Variants in KCNK10 observed in about 807,000 individuals in gnomAD.
The protein encoded by KCNK10 is potassium channel subfamily K member 10.
In KCNK10, 25 loss-of-function variants were observed where a neutral mutation model predicts 47.7. The ratio of observed to expected loss-of-function variants is 0.52; its 90% CI spans 0.38 to 0.73. KCNK10 has a LOEUF of 0.73. KCNK10 is among the 30% of genes least tolerant of loss of function. The pLI is 0.00. For missense variants in KCNK10, 563 were observed against 714.5 expected, an observed-to-expected ratio of 0.79 and a Z score of 2.42; for synonymous variants, 303 against 285.6, an observed-to-expected ratio of 1.06 and a Z score of -0.61.
intron 1 of KCNK10, among the ~76,000 whole-genome samples, chr14:88,309,296 G>A (rs1472323240): frequency 6.6e-6 from 1 of 152,168 alleles, no homozygotes; most frequent in Non-Finnish European, 1.5e-5. Context: ...CCATAGGAGG[G>A]AGAATAGCAA....
chr14:88,258,695 CTAAA>C (rs1566705427), intron 2 of KCNK10, among the ~76,000 whole-genome samples: 2 of 152,152 alleles, frequency 1.3e-5, no homozygotes, highest in African/African-American at 4.8e-5. Flanking sequence ...GAATGAATGA[CTAAA>C]TGAATGGATG....
intron 3 of KCNK10, among the ~76,000 whole-genome samples, chr14:88,228,246 T>C (rs549973007): frequency 1.3e-5 from 2 of 152,324 alleles, no homozygotes; most frequent in South Asian, 2.1e-4. Context: ...TATTGATGGA[T>C]GTTTGAATAC....
At chr14:88,234,226 T>G (rs1406752844) in intron 3 of KCNK10, among the ~76,000 whole-genome samples, 1 of 152,334 alleles carries the variant, frequency 6.6e-6, no homozygotes, top group Admixed American at 6.5e-5. Context: ...TGGCCTAGAG[T>G]GCCAGAAAAG....
Position 88,186,261 on chromosome 14 carries a change from A to C in KCNK10, c.1012-106T>G. ...GTCCCCACGGGGAGGCCAGGAGGTGACGGAGCACATGCCCAGGGGGAGGTG... is the reference window on the plus strand; with the variant it reads ...GTCCCCACGGGGAGGCCAGGAGGTGCCGGAGCACATGCCCAGGGGGAGGTG... On this transcript the variant is annotated intron_variant, in intron 6 of 6. Transcript: ENST00000319231. This position sits in a 1 kb window ranked among gnomAD's most constrained non-coding sequence, Gnocchi z 5.5. The C allele has an allele frequency of 7.4e-7, 1 of 1,343,054 alleles. No individual in the cohort carries two copies. Among genetic ancestry groups the C allele is most frequent in the Non-Finnish European group, 1.0e-6 (1 of 1,004,872 alleles). The allele number at this position is 1,343,054 out of a possible 1,614,324, so 83.2% of individuals were successfully genotyped here.
intron 1 of KCNK10, among the ~76,000 whole-genome samples, chr14:88,310,415 T>C (rs1340667645): frequency 6.6e-6 from 1 of 151,942 alleles, no homozygotes; most frequent in Non-Finnish European, 1.5e-5. Context: ...AATAACCAGA[T>C]GGATGAGTGA....
At chr14:88,226,337 G>A (rs751979912) in intron 4 of KCNK10, among the ~76,000 whole-genome samples, 1 of 152,176 alleles carries the variant, frequency 6.6e-6, no homozygotes, top group South Asian at 2.1e-4. Flanking sequence ...TTCTTCTAAA[G>A]AGAAGTATGA....
At chr14:88,242,106 G>A (rs1290455912) in intron 2 of KCNK10, among the ~76,000 whole-genome samples, 1 of 152,230 alleles carries the variant, frequency 6.6e-6, no homozygotes. Context: ...ATAACCCTAT[G>A]TAGGGAGAGC....
intron 4 of KCNK10, among the ~76,000 whole-genome samples, chr14:88,222,002 C>T (rs8013967): frequency 0.074 from 11,308 of 152,202 alleles, 1,073 homozygotes; most frequent in African/African-American, 0.22. Context: ...TCCGTTTTCA[C>T]GCTGCTGATA....
rs1819063011 is a variant in KCNK10 at position 88,260,759 on chromosome 14, C to G, written c.402+2443G>C. Among the ~76,000 whole-genome samples, 1 of 152,222 alleles carries G rather than the reference C, an allele frequency of 6.6e-6. No homozygotes were observed. Among genetic ancestry groups the G allele is most frequent in the African/African-American group, 2.4e-5 (1 of 41,534 alleles). On this transcript the variant is annotated intron_variant, in intron 2 of 6. Transcript: ENST00000319231. This position sits in a 1 kb window ranked among gnomAD's most constrained non-coding sequence, Gnocchi z 4.5. ...ATGATGCCCAGCTCATAACAGATGC[C>G]TAATAAAGAGCAGCTTTTTAAATTG...
intron 1 of KCNK10, among the ~76,000 whole-genome samples, chr14:88,317,183 T>C (rs1888445052): frequency 6.6e-6 from 1 of 152,192 alleles, no homozygotes; most frequent in Admixed American, 6.5e-5. Flanking sequence ...TTAAATCCCA[T>C]TTGGAACACT....
chr14:88,317,853 A>G (rs1286348917), intron 1 of KCNK10, among the ~76,000 whole-genome samples: 1 of 151,700 alleles, frequency 6.6e-6, no homozygotes, highest in Non-Finnish European at 1.5e-5. Flanking sequence ...GTGTGCACTA[A>G]AAGTGTAGCA....
chr14:88,192,084 G>A (rs1357086475), intron 5 of KCNK10, 140 bp downstream of exon 5: 2 of 747,696 alleles, frequency 2.7e-6, no homozygotes, highest in Non-Finnish European at 2.1e-6. Flanking sequence ...GATTTGAAAT[G>A]AGCCTCTTCA....
rs112232301 is a variant in KCNK10, at chr14:88,222,764, G to C, written c.681+4611C>G. Among the ~76,000 whole-genome samples the C allele has an allele frequency of 6.6e-3, 1,006 of 152,240 alleles. 16 individuals carry two copies. Among genetic ancestry groups the C allele is most frequent in the African/African-American group, 0.022 (924 of 41,536 alleles). On this transcript the variant is annotated intron_variant, in intron 4 of 6. Coordinates refer to ENST00000319231, the MANE Select transcript of KCNK10 (RefSeq NM_138317.3). Reference sequence around the variant, plus strand: ...CTTTTGTATTTCCTGATATGAGGTTGGGTGAAAACGTGCTATTTGGTCATG... The same window carrying C: ...CTTTTGTATTTCCTGATATGAGGTTCGGTGAAAACGTGCTATTTGGTCATG...
intron 1 of KCNK10, among the ~76,000 whole-genome samples, chr14:88,296,964 T>C (rs1242329472): frequency 1.3e-5 from 2 of 152,250 alleles, no homozygotes; most frequent in East Asian, 3.8e-4. Flanking sequence ...AATTAAATTA[T>C]GACATATTGC....
rs2139753832 is a variant in KCNK10, at chr14:88,263,346, G to C, written c.258C>G (p.Val86=). 6.2e-7 allele frequency: 1 copy of C among 1,613,870 alleles called. No individual in the cohort carries two copies. The highest frequency in any genetic ancestry group is 8.5e-7 in the Non-Finnish European group (1 of 1,180,050). The change falls in exon 2 of 7, where the codon GTC becomes GTG. Residue 86 remains valine (V), a synonymous_variant. Coordinates refer to ENST00000319231, the MANE Select transcript of KCNK10 (RefSeq NM_138317.3). ...TVVAIFVVVV[V]YLVTGGLVFR... is the part of the protein sequence containing the mutation. ...AGACAAGACCGCCAGTGACAAGGTAGACCACCACAACCACAAAGATGGCAA... is the reference window on the plus strand; with the variant it reads ...AGACAAGACCGCCAGTGACAAGGTACACCACCACAACCACAAAGATGGCAA...
intron 4 of KCNK10, among the ~76,000 whole-genome samples, chr14:88,215,916 G>A (rs186686924): frequency 1.6e-4 from 24 of 152,286 alleles, no homozygotes; most frequent in Admixed American, 1.2e-3. Flanking sequence ...CCATTAAAAC[G>A]TTCTATAATG....
intron 4 of KCNK10, among the ~76,000 whole-genome samples, chr14:88,215,351 C>T (rs1279417667): frequency 2.6e-5 from 4 of 152,082 alleles, no homozygotes; most frequent in African/African-American, 4.8e-5. Context: ...GGAGAGAGAA[C>T]GAGTGTCAAG....
chr14:88,245,640 G>A (rs1886615106), intron 2 of KCNK10, among the ~76,000 whole-genome samples: 1 of 150,712 alleles, frequency 6.6e-6, no homozygotes, highest in African/African-American at 2.5e-5. Context: ...TGTGCACTCG[G>A]TGAGATCATC....
intron 1 of KCNK10, among the ~76,000 whole-genome samples, chr14:88,297,085 T>C (rs188790713): frequency 6.6e-6 from 1 of 152,318 alleles, no homozygotes; most frequent in Non-Finnish European, 1.5e-5. Flanking sequence ...GTACAAAATA[T>C]GGCTCTTGTT....
Sources: allele counts gnomAD v4.1 joint callset (sites outside exome capture counted in the v4.1 genomes callset), GRCh38; gene constraint gnomAD v4.1.1; non-coding constraint Gnocchi (gnomAD v3.1); transcripts MANE v1.5; gene names NCBI Gene and HGNC (gene_info 2026-07-23, HGNC 2026-07-21).